Variants in ESRRG observed in about 807,000 individuals in gnomAD.
ESRRG encodes the protein estrogen related receptor gamma, also known as estrogen-related receptor gamma.
A neutral mutation model predicts 44.0 loss-of-function variants in ESRRG; 13 were observed. The ratio of observed to expected loss-of-function variants is 0.30; its 90% CI spans 0.19 to 0.47. The LOEUF is 0.47. Ranked by LOEUF, ESRRG falls within the 20% of genes least tolerant of loss-of-function variation. ESRRG has a pLI of 1.00. For missense variants in ESRRG, 395 were observed against 580.6 expected (o/e 0.68, Z 3.29); for synonymous variants, 215 against 214.6 (o/e 1.00, Z -0.02).
intron 1 of ESRRG, among the ~76,000 whole-genome samples, chr1:217,045,503 C>T (rs2084708179): frequency 6.6e-6 from 1 of 152,184 alleles, no homozygotes; most frequent in Non-Finnish European, 1.5e-5. Context: ...CCATTAACTA[C>T]CCTTGGGACC....
chr1:216,681,336 CACA>C (rs1474306801), intron 1 of ESRRG, among the ~76,000 whole-genome samples: 1 of 152,006 alleles, frequency 6.6e-6, no homozygotes, highest in Non-Finnish European at 1.5e-5. Flanking sequence ...GGTACGTGTG[CACA>C]ACATGCTGGT....
chr1:216,769,892 G>A (rs371413791), intron 2 of ESRRG, among the ~76,000 whole-genome samples: 137 of 152,210 alleles, frequency 9.0e-4, no homozygotes, highest in African/African-American at 3.2e-3. Context: ...GATTACTCTT[G>A]CACAGAGATG....
chr1:217,086,085 T>G (rs1208805743), intron 1 of ESRRG, among the ~76,000 whole-genome samples: 3 of 152,352 alleles, frequency 2.0e-5, no homozygotes, highest in African/African-American at 7.2e-5. Context: ...ATCACAATAT[T>G]ATGAAACTTG....
chr1:216,988,135 A>G (rs866219119), intron 1 of ESRRG, among the ~76,000 whole-genome samples: 15 of 152,130 alleles, frequency 9.9e-5, no homozygotes, highest in Middle Eastern at 3.2e-3. Context: ...TGCTTTATTG[A>G]AGCCTTATTA....
chr1:217,078,849 C>T (rs2091530073), intron 1 of ESRRG, among the ~76,000 whole-genome samples: 1 of 152,144 alleles, frequency 6.6e-6, no homozygotes, highest in South Asian at 2.1e-4. Context: ...CCTCTGCATT[C>T]TGTCTCCCAA....
At chr1:216,750,195 C>T (rs963011294) in intron 2 of ESRRG, among the ~76,000 whole-genome samples, 1 of 152,250 alleles carries the variant, frequency 6.6e-6, no homozygotes, top group Middle Eastern at 3.4e-3. Flanking sequence ...GGCAATTCTG[C>T]AGTTCTCCTG....
At chr1:217,109,133 T>G (rs904854141) in intron 1 of ESRRG, among the ~76,000 whole-genome samples, 1 of 152,082 alleles carries the variant, frequency 6.6e-6, no homozygotes, top group African/African-American at 2.4e-5. Flanking sequence ...CAACACCAAA[T>G]GTATGAGAGC....
intron 2 of ESRRG, among the ~76,000 whole-genome samples, chr1:216,922,339 C>T (rs961435818): frequency 5.3e-5 from 8 of 152,194 alleles, no homozygotes; most frequent in African/African-American, 1.7e-4. Flanking sequence ...CCAGCACTCC[C>T]AGGCCCTGCC....
At chr1:217,077,931 A>G (rs1366837887) in intron 1 of ESRRG, among the ~76,000 whole-genome samples, 2 of 152,258 alleles carry the variant, frequency 1.3e-5, no homozygotes, top group Non-Finnish European at 2.9e-5. Context: ...GAGAACAGCA[A>G]ATAGTTAAAG....
chr1:216,659,510 A>C (rs2071693710), intron 2 of ESRRG, among the ~76,000 whole-genome samples: 1 of 152,174 alleles, frequency 6.6e-6, no homozygotes, highest in Non-Finnish European at 1.5e-5. Context: ...CAGAGGACAA[A>C]ACATTTGCAA....
At chr1:216,572,268 G>A (rs1465686658) in intron 3 of ESRRG, among the ~76,000 whole-genome samples, 13 of 151,946 alleles carry the variant, frequency 8.6e-5, no homozygotes, top group Non-Finnish European at 4.4e-5. Flanking sequence ...TAGTTACACT[G>A]GGGGAAAACA....
intron 6 of ESRRG, 117 bp downstream of exon 6, chr1:216,519,035 T>G (rs1170195242): frequency 2.5e-6 from 2 of 788,468 alleles, no homozygotes; most frequent in Non-Finnish European, 4.1e-6. Context: ...GATTATAATT[T>G]TGCTGACTCA....
chr1:216,656,619 T>C (rs1380500230), intron 2 of ESRRG, among the ~76,000 whole-genome samples: 2 of 152,182 alleles, frequency 1.3e-5, no homozygotes, highest in Admixed American at 6.5e-5. Flanking sequence ...TAATGGACTT[T>C]TACAGTTTGG....
chr1:216,681,204 A>C (rs530965240), intron 1 of ESRRG, among the ~76,000 whole-genome samples: 1 of 152,330 alleles, frequency 6.6e-6, no homozygotes, highest in East Asian at 1.9e-4. Flanking sequence ...TCCCTTCCCA[A>C]AACCTCTGAA....
chr1:216,790,527 G>T (rs1251447119), intron 2 of ESRRG, among the ~76,000 whole-genome samples: 1 of 152,126 alleles, frequency 6.6e-6, no homozygotes, highest in Non-Finnish European at 1.5e-5. Context: ...AACTTGAGAT[G>T]AATCTTAGTA....
intron 5 of ESRRG, among the ~76,000 whole-genome samples, chr1:216,521,700 A>G (rs917085930): frequency 2.0e-5 from 3 of 152,076 alleles, no homozygotes; most frequent in South Asian, 2.1e-4. Flanking sequence ...TAAAAGCAGG[A>G]TGATTAGTTT....
At chr1:217,045,260 A>G (rs2084657893) in intron 1 of ESRRG, among the ~76,000 whole-genome samples, 1 of 152,190 alleles carries the variant, frequency 6.6e-6, no homozygotes, top group African/African-American at 2.4e-5. Flanking sequence ...AAAGCAGCAA[A>G]AAAAAATTAA....
In ESRRG at chr1:216,790,969, T is replaced by C. The variant is rs530869578; in HGVS notation, c.-13-113478A>G. Among the ~76,000 whole-genome samples the C allele has an allele frequency of 2.0e-4, 31 of 152,278 alleles. No individual in the cohort carries two copies. In the East Asian group the frequency reaches 5.6e-3, roughly 28 times the overall value. On this transcript the variant is annotated intron_variant, in intron 2 of 7. Coordinates refer to the ESRRG transcript ENST00000359162. ...AAAATGGAAGTATTTATCTCCAAGA[T>C]TTTTGTGATAGGGGAAAATGAAATG...
chr1:216,782,674 A>G (rs561463980), intron 2 of ESRRG, among the ~76,000 whole-genome samples: 1 of 152,190 alleles, frequency 6.6e-6, no homozygotes, highest in East Asian at 1.9e-4. Context: ...CAAGAATGCT[A>G]TAACATTTTG....
Sources: gnomAD v4.1 joint callset for allele counts (sites outside exome capture counted in the v4.1 genomes callset) on GRCh38, gnomAD v4.1.1 for gene constraint, MANE v1.5 for transcripts, NCBI Gene and HGNC (gene_info 2026-07-23, HGNC 2026-07-21) for gene names.